Variants in SLC25A24 observed in about 807,000 individuals in gnomAD.
SLC25A24 encodes the protein mitochondrial adenyl nucleotide antiporter SLC25A24.
Under a neutral mutation model 60.7 loss-of-function variants are expected in SLC25A24, and 49 were observed. The ratio of observed to expected loss-of-function variants is 0.81; its 90% CI spans 0.64 to 1.02. SLC25A24 has a LOEUF of 1.02. Ranked by LOEUF, SLC25A24 falls within the 50% of genes least tolerant of loss-of-function variation. SLC25A24 has a pLI of 0.00. For missense variants in SLC25A24, 564 were observed against 586.3 expected, an observed-to-expected ratio of 0.96 and a Z score of 0.39; for synonymous variants, 202 against 200.6, an observed-to-expected ratio of 1.01 and a Z score of -0.06.
chr1:108,187,124 G>A (rs1164780063), intron 1 of SLC25A24, among the ~76,000 whole-genome samples: 2 of 151,662 alleles, frequency 1.3e-5, no homozygotes, highest in African/African-American at 4.8e-5. Flanking sequence ...GTGACTGGAT[G>A]GTTTCATGGT....
chr1:108,187,927 G>GATAGATATAT lies in SLC25A24; in HGVS notation c.184-1974_184-1973insATATATCTAT. Among the ~76,000 whole-genome samples, 50 of 95,724 alleles carry GATAGATATAT rather than the reference G, an allele frequency of 5.2e-4. 2 individuals are homozygous for GATAGATATAT. Among genetic ancestry groups the GATAGATATAT allele is most frequent in the South Asian group, 1.6e-3 (5 of 3,086 alleles). 62.8% of individuals were successfully genotyped at this position (95,724 alleles called of 152,430 possible). On this transcript the variant is annotated intron_variant, in intron 1 of 9. Transcript: ENST00000565488. ...TACACGAAATGGATAAGACATTATA[G>GATAGATATAT]ATATATATATATATATATTCATGCA...
intron 1 of SLC25A24, among the ~76,000 whole-genome samples, chr1:108,190,225 C>T (rs1428181465): frequency 6.6e-6 from 1 of 152,016 alleles, no homozygotes; most frequent in African/African-American, 2.4e-5. Flanking sequence ...GGGCTGCTGG[C>T]CTGGGGAAGC....
chr1:108,187,927 G>GATAGATAGATAT lies in SLC25A24; in HGVS notation c.184-1974_184-1973insATATCTATCTAT. On this transcript the variant is annotated intron_variant, in intron 1 of 9. Transcript: ENST00000565488. ...TACACGAAATGGATAAGACATTATA[G>GATAGATAGATAT]ATATATATATATATATATTCATGCA... 6.5e-4 allele frequency among the ~76,000 whole-genome samples: 62 copies of GATAGATAGATAT among 95,712 alleles called. 1 individual carries two copies. Among genetic ancestry groups the GATAGATAGATAT allele is most frequent in the South Asian group, 1.3e-3 (4 of 3,082 alleles). The allele number at this position is 95,712 out of a possible 152,430, so 62.8% of individuals were successfully genotyped here.
At chr1:108,145,803 T>C (rs562872638) in intron 7 of SLC25A24, among the ~76,000 whole-genome samples, 15 of 152,336 alleles carry the variant, frequency 9.8e-5, no homozygotes, top group African/African-American at 1.4e-4. Flanking sequence ...TTGGTTACTG[T>C]AGCCTTGTAG....
rs556009721 is a variant in SLC25A24 at position 108,192,237 on chromosome 1, G to T, written c.184-6283C>A. On this transcript the variant is annotated intron_variant, in intron 1 of 9. Coordinates refer to ENST00000565488, the MANE Select transcript of SLC25A24 (RefSeq NM_013386.5). ...TGAACAAGGTGACTCCTAAGACAAGGCTGTATGTAGCCAACATCTTGAGAG... is the reference window on the plus strand; with the variant it reads ...TGAACAAGGTGACTCCTAAGACAAGTCTGTATGTAGCCAACATCTTGAGAG... Among the ~76,000 whole-genome samples, 29 of 139,230 alleles carry T rather than the reference G, an allele frequency of 2.1e-4. 5 individuals carry two copies. The highest frequency in any genetic ancestry group is 2.8e-4 in the Non-Finnish European group (18 of 63,636). 91.3% of individuals were successfully genotyped at this position (139,230 alleles called of 152,430 possible).
At chr1:108,153,775 CA>C (rs1439188097) in intron 6 of SLC25A24, among the ~76,000 whole-genome samples, 8 of 152,114 alleles carry the variant, frequency 5.3e-5, no homozygotes, top group Non-Finnish European at 1.0e-4. Flanking sequence ...TGGTGGTATC[CA>C]AGGTAAGAAT....
At chr1:108,165,355 T>C (rs1571295159) in intron 3 of SLC25A24, among the ~76,000 whole-genome samples, 2 of 152,316 alleles carry the variant, frequency 1.3e-5, no homozygotes, top group East Asian at 3.9e-4. Flanking sequence ...CCTTGTTGAC[T>C]TTCTGTCTCA....
At chr1:108,150,730 G>C (rs1196569653) in intron 6 of SLC25A24, among the ~76,000 whole-genome samples, 1 of 152,046 alleles carries the variant, frequency 6.6e-6, no homozygotes, top group Admixed American at 6.5e-5. Context: ...CCTTTTAACA[G>C]TCTCTGGATA....
At chr1:108,141,942 CACAA>C (rs768025405) in intron 8 of SLC25A24, among the ~76,000 whole-genome samples, 3 of 152,032 alleles carry the variant, frequency 2.0e-5, no homozygotes, top group Non-Finnish European at 4.4e-5. Flanking sequence ...CACAACAAAC[CACAA>C]ACAGTTAACA....
In SLC25A24 at chr1:108,192,587, A is replaced by T. The variant is rs1648377422; in HGVS notation, c.184-6633T>A. 1.3e-6 allele frequency: 2 copies of T among 1,497,202 alleles called. 1 individual carries two copies. The highest frequency in any genetic ancestry group is 4.2e-5 in the Admixed American group (2 of 47,540). The allele number at this position is 1,497,202 out of a possible 1,614,324, so 92.7% of individuals were successfully genotyped here. A position where few individuals can be genotyped will look rare whatever the true frequency, so the allele number is the denominator to read the frequency against. ...CAAGGTCCCATCCTTGTTATAGTCC[A>T]GGTACCAAAAGAGATCTCCGTAGAG... On this transcript the variant is annotated intron_variant, in intron 1 of 9. Coordinates refer to ENST00000565488, the MANE Select transcript of SLC25A24 (RefSeq NM_013386.5).
At chr1:108,172,257 G>C (rs1422497969) in intron 3 of SLC25A24, among the ~76,000 whole-genome samples, 1 of 152,224 alleles carries the variant, frequency 6.6e-6, no homozygotes, top group East Asian at 1.9e-4. Flanking sequence ...TTTCAACTCA[G>C]TGACTCCTCT....
chr1:108,147,145 G>A lies in SLC25A24; in HGVS notation c.930+1134C>T, dbSNP rs188744455. Among the ~76,000 whole-genome samples the A allele has an allele frequency of 3.4e-3, 511 of 152,290 alleles. 3 individuals are homozygous for A. The highest frequency in any genetic ancestry group is 0.012 in the African/African-American group (479 of 41,542). ...GCTTCTTCCTGATTTAGTCTTGGGAGCGTGTATGTGTCCAGGAATTTATCC... is the reference window on the plus strand; with the variant it reads ...GCTTCTTCCTGATTTAGTCTTGGGAACGTGTATGTGTCCAGGAATTTATCC... On this transcript the variant is annotated intron_variant, in intron 7 of 9. Coordinates refer to ENST00000565488, the MANE Select transcript of SLC25A24 (RefSeq NM_013386.5).
At chr1:108,183,321 A>G (rs1647993125) in intron 2 of SLC25A24, among the ~76,000 whole-genome samples, 2 of 152,354 alleles carry the variant, frequency 1.3e-5, no homozygotes, top group Non-Finnish European at 1.5e-5. Context: ...TAAAGAAATT[A>G]TGCAAATACC....
Position 108,185,015 on chromosome 1 carries a change from T to A in SLC25A24, c.310+813A>T, listed in dbSNP as rs77071893. 2.8e-4 allele frequency among the ~76,000 whole-genome samples: 42 copies of A among 152,284 alleles called. No individual in the cohort carries two copies. In the East Asian group the frequency reaches 7.9e-3, roughly 29 times the overall value. On this transcript the variant is annotated intron_variant, in intron 2 of 9. Coordinates refer to ENST00000565488, the MANE Select transcript of SLC25A24 (RefSeq NM_013386.5). The stretch of plus-strand genomic sequence containing the variant: ...GACCCTATTTCCAATTAGAATTAGA[T>A]AAGGTCTTCAGAGTAGGGCCCCCAT...
In SLC25A24 at chr1:108,193,296, AAGTACCC is replaced by A. The variant is rs1648402822; in HGVS notation, c.183+6653_183+6659del. Reference sequence around the variant, plus strand: ...CGTGCCATCACCCAGGTTGTGAACAAAGTACCCAGTAGGAAGCTTTCCAGCCCTTGCC... The same window carrying A: ...CGTGCCATCACCCAGGTTGTGAACAAAGTAGGAAGCTTTCCAGCCCTTGCC... On this transcript the variant is annotated intron_variant, in intron 1 of 9. Coordinates refer to ENST00000565488, the MANE Select transcript of SLC25A24 (RefSeq NM_013386.5). 1.4e-5 allele frequency among the ~76,000 whole-genome samples: 2 copies of A among 137,952 alleles called. 1 individual carries two copies. Among genetic ancestry groups the A allele is most frequent in the Non-Finnish European group, 3.2e-5 (2 of 63,194 alleles). 90.5% of individuals were successfully genotyped at this position (137,952 alleles called of 152,430 possible).
At chr1:108,168,840 TC>T (rs1442794581) in intron 3 of SLC25A24, among the ~76,000 whole-genome samples, 1 of 152,238 alleles carries the variant, frequency 6.6e-6, no homozygotes. Flanking sequence ...CTGAATTTAA[TC>T]TTTTTAATGC....
intron 1 of SLC25A24, among the ~76,000 whole-genome samples, chr1:108,190,731 A>C (rs1648320368): frequency 1.1e-5 from 1 of 92,494 alleles, no homozygotes; most frequent in African/African-American, 3.1e-5. Flanking sequence ...TTGTCTATAT[A>C]AACAAATTTT....
chr1:108,184,906 G>T (rs1648064038), intron 2 of SLC25A24, among the ~76,000 whole-genome samples: 1 of 152,196 alleles, frequency 6.6e-6, no homozygotes, highest in Non-Finnish European at 1.5e-5. Context: ...CTATTCACAA[G>T]TAGGGAGGGA....
At chr1:108,172,438 G>C (rs560995961) in intron 3 of SLC25A24, among the ~76,000 whole-genome samples, 4 of 152,308 alleles carry the variant, frequency 2.6e-5, no homozygotes, top group Non-Finnish European at 5.9e-5. Context: ...CTCAGTTTCT[G>C]GTGAGACCTC....
Sources: allele counts gnomAD v4.1 joint callset (sites outside exome capture counted in the v4.1 genomes callset), GRCh38; gene constraint gnomAD v4.1.1; transcripts MANE v1.5; gene names NCBI Gene and HGNC (gene_info 2026-07-23, HGNC 2026-07-21).